WDR59: variants seen among roughly 807,000 people sequenced by gnomAD.
WDR59 encodes the protein GATOR2 complex protein WDR59.
WDR59 carries 100 observed loss-of-function variants against 131.2 expected under a neutral mutation model. That is an observed-to-expected ratio of 0.76 (90% CI 0.65 to 0.90). WDR59 has a LOEUF of 0.90. Ranked by LOEUF, WDR59 falls within the 40% of genes least tolerant of loss-of-function variation. The pLI, the probability that WDR59 is intolerant of heterozygous loss-of-function variation, is 0.00. For synonymous variants in WDR59, 601 were observed against 466.2 expected (o/e 1.29, Z -3.72); for missense variants, 1,203 against 1,262.2 (o/e 0.95, Z 0.71).
At chr16:74,975,369 A>C (rs1330642860) in intron 1 of WDR59, among the ~76,000 whole-genome samples, 2 of 150,560 alleles carry the variant, frequency 1.3e-5, no homozygotes, top group East Asian at 1.9e-4. Flanking sequence ...AAAAAACAAC[A>C]AAAAAAAACA....
chr16:74,973,926 T>C (rs921948582), intron 1 of WDR59, among the ~76,000 whole-genome samples: 4 of 151,922 alleles, frequency 2.6e-5, no homozygotes, highest in Admixed American at 2.0e-4. Context: ...TCCTAGCACT[T>C]TGGGAGGCTG....
At chr16:74,982,050 G>A (rs1247692028) in intron 1 of WDR59, among the ~76,000 whole-genome samples, 1 of 145,282 alleles carries the variant, frequency 6.9e-6, no homozygotes, top group Non-Finnish European at 1.5e-5. Context: ...GAACCTCGGA[G>A]TTCAAGACCA....
chr16:74,899,193 T>A (rs1269802444), intron 18 of WDR59, among the ~76,000 whole-genome samples: 1 of 151,980 alleles, frequency 6.6e-6, no homozygotes, highest in Non-Finnish European at 1.5e-5. Flanking sequence ...AGGAAAAAAA[T>A]TTGTTTCAGA....
intron 2 of WDR59, among the ~76,000 whole-genome samples, chr16:74,957,623 T>C (rs1445092491): frequency 6.6e-6 from 1 of 152,118 alleles, no homozygotes; most frequent in Non-Finnish European, 1.5e-5. Context: ...ATGTTTAAGG[T>C]TCCAATCAAC....
chr16:74,896,649 A>AT (rs10664503), intron 18 of WDR59, among the ~76,000 whole-genome samples: 1 of 151,854 alleles, frequency 6.6e-6, no homozygotes, highest in African/African-American at 2.4e-5. Context: ...AAAAAAAAAA[A>AT]TTCACAATTT....
At chr16:74,899,833 T>G in intron 18 of WDR59, 1 of 1,062,794 alleles carries the variant, frequency 9.4e-7, no homozygotes, top group Admixed American at 2.3e-5. Flanking sequence ...TAGAATAAAA[T>G]GAAAGCTTCC....
chr16:74,905,965 T>C (rs1259685652), intron 17 of WDR59, among the ~76,000 whole-genome samples: 1 of 151,994 alleles, frequency 6.6e-6, no homozygotes, highest in Non-Finnish European at 1.5e-5. Flanking sequence ...ATGGTCAATA[T>C]GCACACAGAA....
rs1356746967 is a variant in WDR59 at position 74,949,765 on chromosome 16, G to C, written c.360C>G (p.Leu120=). ...AGGTGTCCACAGAGCTGGTAACCAG[G>C]AGGTCAGGCTCAAACACCGCCCAGT... The part of the protein sequence containing the change: ...DLDWAVFEPD[L]LVTSSVDTYI... The change falls in exon 5 of 26, where the codon CTC becomes CTG. Residue 120 remains leucine (L), a synonymous_variant. Transcript: ENST00000262144. 11 of 1,613,856 alleles carry C rather than the reference G, an allele frequency of 6.8e-6. No homozygotes were observed. The South Asian group carries it at 1.2e-4, about 18-fold the overall frequency.
chr16:74,981,062 T>G (rs549213582), intron 1 of WDR59, among the ~76,000 whole-genome samples: 1 of 128,978 alleles, frequency 7.8e-6, no homozygotes, highest in African/African-American at 2.8e-5. Context: ...GCCCCATCTC[T>G]GCAAAAAAAA....
At chr16:74,967,295 G>C (rs2033813614) in intron 1 of WDR59, among the ~76,000 whole-genome samples, 1 of 152,180 alleles carries the variant, frequency 6.6e-6, no homozygotes, top group African/African-American at 2.4e-5. Context: ...AAGGCAGGCA[G>C]TGAAATGAGA....
intron 8 of WDR59, among the ~76,000 whole-genome samples, chr16:74,937,495 G>T (rs892188902): frequency 6.6e-6 from 1 of 151,906 alleles, no homozygotes; most frequent in Non-Finnish European, 1.5e-5. Flanking sequence ...CAGCTTCTTC[G>T]CAAGGGAACC....
chr16:74,921,084 A>G (rs557855150), intron 10 of WDR59, among the ~76,000 whole-genome samples: 1 of 151,764 alleles, frequency 6.6e-6, no homozygotes, highest in Non-Finnish European at 1.5e-5. Context: ...GTAAAAAAAA[A>G]TTTTTTTTTA....
rs1266725281 is a variant in WDR59 at position 74,912,228 on chromosome 16, G to A, written c.1359C>T (p.Ile453=). Residue 453 remains isoleucine (I), a synonymous_variant, in exon 14 of 26, where the codon ATC becomes ATT. Transcript: ENST00000262144. ...GCAGCTTAGCTTTCATGGTGGATGT[G>A]ATGGTTGTGGGGTTAATAAACTGGA... ...PSFQFINPTT[I]TSTMKAKLLK... 4 of 1,614,076 alleles carry A rather than the reference G, an allele frequency of 2.5e-6. No individual in the cohort carries two copies. The highest frequency in any genetic ancestry group is 3.4e-6 in the Non-Finnish European group (4 of 1,180,038).
At chr16:74,933,128 C>A (rs983559493) in intron 8 of WDR59, among the ~76,000 whole-genome samples, 1 of 152,032 alleles carries the variant, frequency 6.6e-6, no homozygotes, top group Non-Finnish European at 1.5e-5. Context: ...CATAGCAAGA[C>A]CCTACCTCTA....
chr16:74,934,799 T>A (rs2031669878), intron 8 of WDR59, among the ~76,000 whole-genome samples: 1 of 151,896 alleles, frequency 6.6e-6, no homozygotes, highest in Non-Finnish European at 1.5e-5. Context: ...TCTTTATATA[T>A]AGATATATAC....
intron 25 of WDR59, among the ~76,000 whole-genome samples, chr16:74,881,670 C>G (rs1054878354): frequency 6.6e-6 from 1 of 151,770 alleles, no homozygotes; most frequent in South Asian, 2.1e-4. Context: ...GTCAGGAGTT[C>G]GAGACCAGCC....
chr16:74,886,189 A>C, intron 24 of WDR59, 81 bp downstream of exon 24: 1 of 1,465,636 alleles, frequency 6.8e-7, no homozygotes, highest in South Asian at 1.3e-5. Context: ...AAAAAAAAAA[A>C]AGTAAGAGTT....
rs1057470776 is a variant in WDR59, at chr16:74,895,555, G to A, written c.1867-1743C>T. 1.8e-4 allele frequency among the ~76,000 whole-genome samples: 27 copies of A among 152,182 alleles called. 1 individual carries two copies. The highest frequency in any genetic ancestry group is 6.5e-4 in the African/African-American group (27 of 41,508). ...TAAGATTACAGGCATGAGCCACCAC[G>A]CCCGGCCCCATTTGATCTTAAGAAG... On this transcript the variant is annotated intron_variant, in intron 18 of 25. Coordinates refer to ENST00000262144, the MANE Select transcript of WDR59 (RefSeq NM_030581.4).
rs1180642802 is a variant in WDR59, at chr16:74,938,263, G to C, written c.538C>G (p.Pro180Ala). The C allele has an allele frequency of 2.0e-6, 3 of 1,527,276 alleles. No homozygotes were observed. The highest frequency in any genetic ancestry group is 2.6e-6 in the Non-Finnish European group (3 of 1,136,080). The allele number at this position is 1,527,276 out of a possible 1,614,324, so 94.6% of individuals were successfully genotyped here. A position where few individuals can be genotyped will look rare whatever the true frequency, so the allele number is the denominator to read the frequency against. ...GCTAGATATTCCACTGCTGTACTGG[G>C]TTTCTGCAACAGATCAGCACCTAAT... The part of the protein sequence containing the change: ...GDVRIWDKRK[P>A]STAVEYLAAH... Residue 180 changes from proline to alanine, a missense_variant, in exon 8 of 26, where the codon CCC becomes GCC. By Grantham distance (27) the Pro-to-Ala change is conservative (BLOSUM62 -1). Transcript: ENST00000262144.
Sources: gnomAD v4.1 joint callset for allele counts (sites outside exome capture counted in the v4.1 genomes callset) on GRCh38, gnomAD v4.1.1 for gene constraint, MANE v1.5 for transcripts, NCBI Gene and HGNC (gene_info 2026-07-23, HGNC 2026-07-21) for gene names.